Variants in POPDC3 observed in about 807,000 individuals in gnomAD.
POPDC3 encodes popeye domain-containing protein 3.
Under a neutral mutation model 28.2 loss-of-function variants are expected in POPDC3, and 20 were observed. The observed-to-expected ratio is 0.71, with a 90% CI of 0.50 to 1.03. The LOEUF is 1.03. Ranked by LOEUF, POPDC3 falls within the 50% of genes least tolerant of loss-of-function variation. The probability of loss-of-function intolerance (pLI) is 0.00; values close to 1 mark genes in which losing one functional copy is unlikely to be tolerated. For missense variants in POPDC3, 316 were observed against 345.9 expected, an observed-to-expected ratio of 0.91 and a Z score of 0.69; for synonymous variants, 118 against 124.1, an observed-to-expected ratio of 0.95 and a Z score of 0.33.
chr6:105,168,345 T>TG (rs1472306456), intron 1 of POPDC3, among the ~76,000 whole-genome samples: 15 of 152,364 alleles, frequency 9.8e-5, no homozygotes, highest in Non-Finnish European at 1.9e-4. Flanking sequence ...ACACAATACT[T>TG]GGAGACTCTT....
At chr6:105,172,566 G>A (rs1300566682) in intron 1 of POPDC3, among the ~76,000 whole-genome samples, 1 of 150,754 alleles carries the variant, frequency 6.6e-6, no homozygotes, top group East Asian at 1.9e-4. Flanking sequence ...AAATCATGCT[G>A]CTATAAAGAC....
chr6:105,167,142 A>G (rs1044335475), intron 1 of POPDC3, among the ~76,000 whole-genome samples: 11 of 152,030 alleles, frequency 7.2e-5, no homozygotes, highest in African/African-American at 2.7e-4. Context: ...GTATTAGACT[A>G]TGAGGAAGAG....
chr6:105,171,447 T>C (rs1289644191), intron 1 of POPDC3, among the ~76,000 whole-genome samples: 2 of 152,054 alleles, frequency 1.3e-5, no homozygotes, highest in African/African-American at 4.8e-5. Flanking sequence ...GGTGGGAGGA[T>C]TGCTTGATCA....
intron 1 of POPDC3, among the ~76,000 whole-genome samples, chr6:105,170,309 G>C (rs1055166871): frequency 6.6e-6 from 1 of 152,184 alleles, no homozygotes; most frequent in African/African-American, 2.4e-5. Flanking sequence ...AGAGAAACTA[G>C]ATACATTAAG....
At chr6:105,164,451 T>C (rs1774416829) in intron 1 of POPDC3, among the ~76,000 whole-genome samples, 1 of 152,340 alleles carries the variant, frequency 6.6e-6, no homozygotes, top group Non-Finnish European at 1.5e-5. Flanking sequence ...TTATCCTTGA[T>C]ACTGTACTGC....
chr6:105,164,622 A>G (rs570097534), intron 1 of POPDC3, among the ~76,000 whole-genome samples: 3 of 152,364 alleles, frequency 2.0e-5, no homozygotes, highest in Admixed American at 2.0e-4. Flanking sequence ...ATGTGCCAGC[A>G]GCACTATATG....
intron 3 of POPDC3, 117 bp downstream of exon 3, chr6:105,159,594 A>C: frequency 1.6e-6 from 1 of 634,478 alleles, no homozygotes; most frequent in Non-Finnish European, 2.8e-6. Context: ...TGCAAAGTAC[A>C]TTCCAAAGTC....
intron 1 of POPDC3, among the ~76,000 whole-genome samples, chr6:105,173,027 A>G (rs1419433721): frequency 1.3e-5 from 2 of 152,188 alleles, no homozygotes; most frequent in African/African-American, 4.8e-5. Flanking sequence ...CCTAAAACTT[A>G]AAGTATAATA....
chr6:105,179,578 G>A (rs894849600), intron 1 of POPDC3, among the ~76,000 whole-genome samples: 4 of 152,184 alleles, frequency 2.6e-5, no homozygotes, highest in African/African-American at 4.8e-5. Context: ...CCGCAGCAAA[G>A]GATCCCCTAG....
At position 105,161,962 on chromosome 6, in the gene POPDC3, C is replaced by G. The variant is rs1774345344; in HGVS notation, c.-53G>C. 2.0e-6 allele frequency: 3 copies of G among 1,531,912 alleles called. No homozygotes were observed. The Admixed American group carries it at 6.5e-5, about 33-fold the overall frequency. 94.9% of individuals were successfully genotyped at this position (1,531,912 alleles called of 1,614,324 possible). ...CAGTTGACTTTAGATGACACTGAAA[C>G]AGGTAACTAAGTCCTTTGGTTCTCC... On this transcript the variant is annotated 5_prime_UTR_variant, in exon 2 of 4. Coordinates refer to ENST00000254765, the MANE Select transcript of POPDC3 (RefSeq NM_022361.5).
intron 1 of POPDC3, chr6:105,169,963 T>G (rs904418878): frequency 1.3e-5 from 2 of 152,192 alleles, no homozygotes; most frequent in African/African-American, 4.8e-5. Flanking sequence ...CATTCTTATT[T>G]TCTTTCTTCA....
intron 1 of POPDC3, among the ~76,000 whole-genome samples, chr6:105,176,591 C>T (rs1348054216): frequency 6.6e-6 from 1 of 151,870 alleles, no homozygotes; most frequent in Non-Finnish European, 1.5e-5. Flanking sequence ...GAGTCTTGCT[C>T]TGTCACCCAG....
intron 1 of POPDC3, among the ~76,000 whole-genome samples, chr6:105,172,343 C>T (rs1393716866): frequency 1.3e-5 from 2 of 151,304 alleles, no homozygotes; most frequent in Non-Finnish European, 2.9e-5. Context: ...GATACCATCT[C>T]ACACCAGTTA....
intron 1 of POPDC3, among the ~76,000 whole-genome samples, chr6:105,164,499 C>A (rs1774418188): frequency 6.6e-6 from 1 of 152,200 alleles, no homozygotes; most frequent in Admixed American, 6.5e-5. Context: ...TTAAATTACT[C>A]CACACCCAGC....
rs775704910 is a variant in POPDC3, at chr6:105,161,400, A to C, written c.485+25T>G. ...ACAAACAACTAATACTTGAGGAAAG[A>C]CATGCAAGCACCAAAGGTACAAACC... On this transcript the variant is annotated intron_variant, in intron 2 of 3. Coordinates refer to ENST00000254765, the MANE Select transcript of POPDC3 (RefSeq NM_022361.5). 3.8e-6 allele frequency: 6 copies of C among 1,594,342 alleles called. No homozygotes were observed. The South Asian group carries it at 6.9e-5, about 18-fold the overall frequency.
At position 105,161,534 on chromosome 6, in the gene POPDC3, A is replaced by T. The variant is rs1422428540; in HGVS notation, c.376T>A (p.Phe126Ile). The T allele has an allele frequency of 6.2e-7, 1 of 1,614,102 alleles. No homozygotes were observed. Reference protein sequence around the residue: ...FQPLGISLPVFRTIALSSEVV... With the variant: ...FQPLGISLPVIRTIALSSEVV... ...TCAGAGCTCAAAGCAATCGTTCTGA[A>T]GACAGGCAAAGAGATCCCCAGGGGC... The change falls in exon 2 of 4, where the codon TTC becomes ATC. Residue 126 changes from phenylalanine (F) to isoleucine (I), a missense_variant. By Grantham distance (21) the Phe-to-Ile change is conservative. Transcript: ENST00000254765.
chr6:105,159,925 T>C (rs1774283857), intron 2 of POPDC3, 106 bp from the exon 3 acceptor site: 2 of 682,472 alleles, frequency 2.9e-6, no homozygotes, highest in Admixed American at 2.7e-5. Context: ...TGATGACTCT[T>C]GCCCTTTATG....
At chr6:105,175,803 C>CT in intron 1 of POPDC3, among the ~76,000 whole-genome samples, 1 of 152,198 alleles carries the variant, frequency 6.6e-6, no homozygotes, top group South Asian at 2.1e-4. Context: ...GATCGCACCA[C>CT]TGCACTCCAG....
intron 1 of POPDC3, among the ~76,000 whole-genome samples, chr6:105,171,650 G>A (rs1053491164): frequency 1.3e-5 from 2 of 151,680 alleles, no homozygotes; most frequent in South Asian, 2.1e-4. Context: ...CAGCCTGAGC[G>A]ACAGAGAAAG....
Sources: gnomAD v4.1 joint callset for allele counts (sites outside exome capture counted in the v4.1 genomes callset) on GRCh38, gnomAD v4.1.1 for gene constraint, MANE v1.5 for transcripts, NCBI Gene and HGNC (gene_info 2026-07-23, HGNC 2026-07-21) for gene names.